ALK: variants seen among roughly 807,000 people sequenced by gnomAD.
The protein encoded by ALK is ALK receptor tyrosine kinase, also known as ALK tyrosine kinase receptor.
ALK carries 74 observed loss-of-function variants against 163.1 expected under a neutral mutation model. The ratio of observed to expected loss-of-function variants is 0.45; its 90% CI spans 0.38 to 0.55. The LOEUF (loss-of-function observed/expected upper bound fraction) is 0.55. ALK is among the 20% of genes least tolerant of loss of function. ALK has a pLI of 0.00. For synonymous variants in ALK, 960 were observed against 843.2 expected (o/e 1.14, Z -2.40); for missense variants, 2,063 against 2,105.3 (o/e 0.98, Z 0.39).
intron 3 of ALK, among the ~76,000 whole-genome samples, chr2:29,586,240 CAT>C (rs1491194049): frequency 7.2e-6 from 1 of 138,030 alleles, no homozygotes; most frequent in Non-Finnish European, 1.6e-5. Context: ...GGGATATTAA[CAT>C]TTTTTTTTTT....
intron 3 of ALK, among the ~76,000 whole-genome samples, chr2:29,560,729 G>A (rs561600388): frequency 2.0e-5 from 3 of 152,020 alleles, no homozygotes; most frequent in East Asian, 3.9e-4. Flanking sequence ...ACACTACCAT[G>A]CCTGGCTAAT....
At chr2:29,817,980 G>A (rs1029118608) in intron 1 of ALK, among the ~76,000 whole-genome samples, 1 of 152,142 alleles carries the variant, frequency 6.6e-6, no homozygotes, top group Admixed American at 6.6e-5. Context: ...TCCTCATCAG[G>A]CCTGTGCTAG....
chr2:29,368,968 CA>C (rs1016958030), intron 5 of ALK, among the ~76,000 whole-genome samples: 5 of 152,144 alleles, frequency 3.3e-5, no homozygotes, highest in African/African-American at 1.2e-4. Context: ...AAACATACAT[CA>C]AAAAACCGCC....
chr2:29,211,168 C>T (rs1670289), intron 24 of ALK, among the ~76,000 whole-genome samples: 142,729 of 152,242 alleles, frequency 0.94, 67,561 homozygotes, highest in Non-Finnish European at 1. Context: ...ACAAGAATAA[C>T]GGGTTCAGGT....
rs942432512 is a variant in ALK at position 29,371,597 on chromosome 2, C to T, written c.1282+12135G>A. On this transcript the variant is annotated intron_variant, in intron 5 of 28. Coordinates refer to ENST00000389048, the MANE Select transcript of ALK (RefSeq NM_004304.5). The stretch of plus-strand genomic sequence containing the variant: ...AACAGATCAATTCTGTCCTTGGGGA[C>T]ATTTATGATACTTTAGGCCAATCAC... Among the ~76,000 whole-genome samples, 3 of 152,344 alleles carry T rather than the reference C, an allele frequency of 2.0e-5. 1 individual carries two copies. The highest frequency in any genetic ancestry group is 2.0e-4 in the Admixed American group (3 of 15,314).
At chr2:29,280,571 A>T (rs1207564914) in intron 9 of ALK, among the ~76,000 whole-genome samples, 1 of 146,682 alleles carries the variant, frequency 6.8e-6, no homozygotes. Context: ...ATACAGATGG[A>T]CCACTCTGGG....
chr2:29,577,586 G>T (rs1267437117), intron 3 of ALK, among the ~76,000 whole-genome samples: 1 of 152,088 alleles, frequency 6.6e-6, no homozygotes, highest in Non-Finnish European at 1.5e-5. Context: ...AGGAGATGAG[G>T]GCCCTGCCCC....
At chr2:29,467,344 CTA>C (rs1285240506) in intron 4 of ALK, among the ~76,000 whole-genome samples, 63 of 152,046 alleles carry the variant, frequency 4.1e-4, no homozygotes, top group African/African-American at 1.5e-3. Context: ...TGAATATTTG[CTA>C]TGTTTTTGGC....
intron 8 of ALK, 31 bp from the exon 9 acceptor site, chr2:29,297,088 G>T: frequency 6.2e-7 from 1 of 1,613,970 alleles, no homozygotes; most frequent in Non-Finnish European, 8.5e-7. Context: ...AGAGGACAAG[G>T]TATGATTGCT....
intron 3 of ALK, among the ~76,000 whole-genome samples, chr2:29,609,127 T>C (rs1453454335): frequency 8.5e-5 from 13 of 152,192 alleles, no homozygotes; most frequent in Admixed American, 8.5e-4. Flanking sequence ...TTTCACCATA[T>C]TGGCCAGCCT....
intron 1 of ALK, among the ~76,000 whole-genome samples, chr2:29,721,537 A>C (rs1679422844): frequency 6.6e-6 from 1 of 152,186 alleles, no homozygotes; most frequent in Admixed American, 6.5e-5. Context: ...CCAATTCCCC[A>C]TATGCTTCCA....
At chr2:29,896,671 T>C (rs1362533601) in intron 1 of ALK, among the ~76,000 whole-genome samples, 1 of 152,220 alleles carries the variant, frequency 6.6e-6, no homozygotes, top group Non-Finnish European at 1.5e-5. Flanking sequence ...TGTAGGATTT[T>C]CTGATGGCAG....
At chr2:29,601,643 T>C (rs931429238) in intron 3 of ALK, among the ~76,000 whole-genome samples, 1 of 151,756 alleles carries the variant, frequency 6.6e-6, no homozygotes, top group African/African-American at 2.4e-5. Context: ...GAGTGTTCCA[T>C]AGAGTGAAGT....
chr2:29,381,787 G>A (rs540783100), intron 5 of ALK, among the ~76,000 whole-genome samples: 3 of 152,282 alleles, frequency 2.0e-5, no homozygotes, highest in East Asian at 1.9e-4. Context: ...TAGACATTGA[G>A]TATGCCTTTA....
intron 9 of ALK, among the ~76,000 whole-genome samples, chr2:29,283,241 C>G (rs1361361905): frequency 6.6e-6 from 1 of 152,248 alleles, no homozygotes; most frequent in African/African-American, 2.4e-5. Flanking sequence ...TTCCCATCAT[C>G]TCTTGCAGAA....
intron 5 of ALK, 101 bp from the exon 6 acceptor site, chr2:29,328,582 T>G (rs1389090473): frequency 6.8e-7 from 1 of 1,466,556 alleles, no homozygotes; most frequent in African/African-American, 1.4e-5. Flanking sequence ...GGGACAGCAT[T>G]ATCCTGCCCT....
intron 4 of ALK, among the ~76,000 whole-genome samples, chr2:29,507,170 A>G (rs1324150807): frequency 6.6e-6 from 1 of 152,272 alleles, no homozygotes; most frequent in African/African-American, 2.4e-5. Flanking sequence ...TGGTATATAC[A>G]TACAATGGAA....
intron 4 of ALK, among the ~76,000 whole-genome samples, chr2:29,486,339 C>G (rs999592742): frequency 1.3e-5 from 2 of 152,096 alleles, no homozygotes; most frequent in African/African-American, 4.8e-5. Flanking sequence ...GACTATGGTT[C>G]TCTATCATTC....
chr2:29,248,362 C>G (rs562583329), intron 12 of ALK, among the ~76,000 whole-genome samples: 90 of 152,216 alleles, frequency 5.9e-4, no homozygotes, highest in Admixed American at 1.4e-3. Context: ...ACTCGAGAGG[C>G]TGAGGCAGGG....
Sources: gnomAD v4.1 joint callset for allele counts (sites outside exome capture counted in the v4.1 genomes callset) on GRCh38, gnomAD v4.1.1 for gene constraint, MANE v1.5 for transcripts, NCBI Gene and HGNC (gene_info 2026-07-23, HGNC 2026-07-21) for gene names.